PGGT1B: variants seen among roughly 807,000 people sequenced by gnomAD.
PGGT1B encodes protein geranylgeranyltransferase type I subunit beta, also known as geranylgeranyl transferase type-1 subunit beta.
Under a neutral mutation model 46.1 loss-of-function variants are expected in PGGT1B, and 30 were observed. That is an observed-to-expected ratio of 0.65 (90% CI 0.49 to 0.88). PGGT1B has a LOEUF of 0.88. Among genes scored for constraint, PGGT1B ranks in the 40% least tolerant of loss-of-function variants. The pLI is 0.00. For missense variants in PGGT1B, 376 were observed against 455.9 expected (o/e 0.82, Z 1.60); for synonymous variants, 170 against 160.0 (o/e 1.06, Z -0.47).
intron 4 of PGGT1B, 31 bp downstream of exon 4, chr5:115,237,827 T>C (rs1757228202): frequency 1.3e-6 from 2 of 1,588,048 alleles, no homozygotes; most frequent in Non-Finnish European, 1.7e-6. Context: ...TTTTGTTTAT[T>C]ACAAAAAAAG....
chr5:115,250,008 A>G (rs1748020344), intron 2 of PGGT1B, among the ~76,000 whole-genome samples: 1 of 152,126 alleles, frequency 6.6e-6, no homozygotes, highest in African/African-American at 2.4e-5. Context: ...AGGACAATGT[A>G]TCTTTTTCTT....
chr5:115,224,439 T>C (rs543770071), intron 6 of PGGT1B, among the ~76,000 whole-genome samples: 132 of 152,348 alleles, frequency 8.7e-4, no homozygotes, highest in Non-Finnish European at 1.4e-3. Flanking sequence ...AGAAGTAAGT[T>C]TGGACTCTGG....
intron 5 of PGGT1B, among the ~76,000 whole-genome samples, chr5:115,235,450 A>C (rs776593745): frequency 2.6e-5 from 4 of 152,102 alleles, no homozygotes; most frequent in Non-Finnish European, 4.4e-5. Flanking sequence ...ATCTCACCAC[A>C]AGATATTCGG....
intron 8 of PGGT1B, among the ~76,000 whole-genome samples, chr5:115,215,628 C>T (rs999359857): frequency 4.6e-5 from 7 of 152,212 alleles, no homozygotes; most frequent in African/African-American, 1.7e-4. Flanking sequence ...AAAATATAGG[C>T]AAGTAGGGGT....
In PGGT1B at chr5:115,204,434, G is replaced by C. The variant is rs1327770060; in HGVS notation, c.*7968C>G. 1 of 152,124 alleles carries C rather than the reference G, an allele frequency of 6.6e-6. No homozygotes were observed. The highest frequency in any genetic ancestry group is 1.5e-5 in the Non-Finnish European group (1 of 68,028). The allele number at this position is 152,124 out of a possible 1,614,324, so 9.4% of individuals were successfully genotyped here. On this transcript the variant is annotated 3_prime_UTR_variant, in exon 9 of 9. Transcript: ENST00000419445. ...TGCTTTAGTGGAGAGACATTATTCT[G>C]ATTTCACTCTCAAAGGCATACAGTT...
intron 5 of PGGT1B, among the ~76,000 whole-genome samples, chr5:115,233,517 T>A: frequency 8.4e-6 from 1 of 119,550 alleles, no homozygotes; most frequent in African/African-American, 3.2e-5. Context: ...GACACTAAAA[T>A]GGAATTCCTA....
rs985455167 is a variant in PGGT1B, at chr5:115,207,044, A to C, written c.*5358T>G. The C allele has an allele frequency of 2.0e-5, 3 of 151,366 alleles. No homozygotes were observed. Among genetic ancestry groups the C allele is most frequent in the Non-Finnish European group, 4.4e-5 (3 of 67,712 alleles). 9.4% of individuals were successfully genotyped at this position (151,366 alleles called of 1,614,324 possible). A position where few individuals can be genotyped will look rare whatever the true frequency, so the allele number is the denominator to read the frequency against. On this transcript the variant is annotated 3_prime_UTR_variant, in exon 9 of 9. Transcript: ENST00000419445. ...GGAATCTACATTTTTGCCTCTCAAG[A>C]GTTTTTTTAGTTTTCCTCATACAGA...
In PGGT1B at chr5:115,224,947, A is replaced by T. The variant is rs114469915; in HGVS notation, c.659-2939T>A. ...AAGTAGATTACAAAATTCTATTTAA[A>T]AACAGGCACAAGAACTAAAATGGAA... is the stretch of plus-strand genomic sequence containing the variant. On this transcript the variant is annotated intron_variant, in intron 6 of 8. Coordinates refer to ENST00000419445, the MANE Select transcript of PGGT1B (RefSeq NM_005023.4). Among the ~76,000 whole-genome samples the T allele has an allele frequency of 9.1e-3, 1,388 of 152,310 alleles. 27 individuals are homozygous for T. Among genetic ancestry groups the T allele is most frequent in the African/African-American group, 0.032 (1,326 of 41,580 alleles).
chr5:115,231,879 T>C (rs779739526), intron 5 of PGGT1B: 1 of 152,060 alleles, frequency 6.6e-6, no homozygotes, highest in Non-Finnish European at 1.5e-5. Flanking sequence ...CAAAACTCCG[T>C]TGCTGGCTCT....
At chr5:115,254,289 A>T (rs1748222104) in intron 1 of PGGT1B, among the ~76,000 whole-genome samples, 1 of 152,040 alleles carries the variant, frequency 6.6e-6, no homozygotes, top group African/African-American at 2.4e-5. Context: ...TTCAGATTTC[A>T]GATTTTTTTT....
rs1177332679 is a variant in PGGT1B at position 115,209,987 on chromosome 5, C to T, written c.*2415G>A. The T allele has an allele frequency of 6.6e-6, 1 of 152,004 alleles. No individual in the cohort carries two copies. The highest frequency in any genetic ancestry group is 2.4e-5 in the African/African-American group (1 of 41,390). The allele number at this position is 152,004 out of a possible 1,614,324, so 9.4% of individuals were successfully genotyped here. ...GTCTCTCAAAAATGATCAGGTCCAACAGTTTTCAAATTATATACCACTGTC... is the reference window on the plus strand; with the variant it reads ...GTCTCTCAAAAATGATCAGGTCCAATAGTTTTCAAATTATATACCACTGTC... On this transcript the variant is annotated 3_prime_UTR_variant, in exon 9 of 9. Coordinates refer to ENST00000419445, the MANE Select transcript of PGGT1B (RefSeq NM_005023.4).
chr5:115,243,322 T>A (rs547874502), intron 2 of PGGT1B, among the ~76,000 whole-genome samples: 85 of 152,328 alleles, frequency 5.6e-4, no homozygotes, highest in African/African-American at 1.7e-3. Flanking sequence ...TCCAGCAGGT[T>A]AAGCATATCA....
chr5:115,218,705 T>C (rs1439258127), intron 7 of PGGT1B, among the ~76,000 whole-genome samples: 4 of 151,626 alleles, frequency 2.6e-5, no homozygotes, highest in Non-Finnish European at 5.9e-5. Flanking sequence ...AATGAAAGAA[T>C]ACCACTGTTT....
intron 3 of PGGT1B, among the ~76,000 whole-genome samples, chr5:115,240,976 C>T (rs1420045737): frequency 6.6e-6 from 1 of 152,202 alleles, no homozygotes; most frequent in Non-Finnish European, 1.5e-5. Context: ...TTAGGACTCA[C>T]TGTTTTTATA....
intron 7 of PGGT1B, among the ~76,000 whole-genome samples, chr5:115,219,317 T>C (rs1756518262): frequency 6.6e-6 from 1 of 151,860 alleles, no homozygotes; most frequent in Non-Finnish European, 1.5e-5. Context: ...TCAACTGACT[T>C]TTGACAAGGG....
In PGGT1B at chr5:115,257,197, G is replaced by A. The variant is rs556469002; in HGVS notation, c.141-3942C>T. ...GTCAAATATTCCAGGCTTAAGACAC[G>A]CATACCCCAAAGATTAAATAAGAAC... On this transcript the variant is annotated intron_variant, in intron 1 of 8. Coordinates refer to ENST00000419445, the MANE Select transcript of PGGT1B (RefSeq NM_005023.4). Among the ~76,000 whole-genome samples, 78 of 151,822 alleles carry A rather than the reference G, an allele frequency of 5.1e-4. No homozygotes were observed. In the East Asian group the frequency reaches 0.011, roughly 21 times the overall value.
At chr5:115,260,980 A>C (rs1156417657) in intron 1 of PGGT1B, among the ~76,000 whole-genome samples, 1 of 152,250 alleles carries the variant, frequency 6.6e-6, no homozygotes, top group Non-Finnish European at 1.5e-5. Context: ...AGCTGCAAGC[A>C]AAGTTCAACT....
In PGGT1B at chr5:115,215,675, T is replaced by C. The variant is rs148410266; in HGVS notation, c.952+1190A>G. Among the ~76,000 whole-genome samples, 1,008 of 152,270 alleles carry C rather than the reference T, an allele frequency of 6.6e-3. 19 individuals are homozygous for C. Among genetic ancestry groups the C allele is most frequent in the Admixed American group, 0.04 (613 of 15,286 alleles). On this transcript the variant is annotated intron_variant, in intron 8 of 8. Transcript: ENST00000419445. The stretch of plus-strand genomic sequence containing the variant: ...TTCCTGCTCATTTCAAATACAAAAA[T>C]TGATTTCATGAGCTCCTTATTTATA...
Position 115,214,298 on chromosome 5 carries a change from G to GT in PGGT1B, c.953-1716dup, listed in dbSNP as rs1320237429. Among the ~76,000 whole-genome samples, 4 of 149,400 alleles carry GT rather than the reference G, an allele frequency of 2.7e-5. No individual in the cohort carries two copies. In the East Asian group the frequency reaches 8.1e-4, roughly 30 times the overall value. Reference sequence around the variant, plus strand: ...TCAATTGTTTGAAGCCTCAAATTGTGTTTTTAAAAAAACTCCTTATCTGTA... The same window carrying GT: ...TCAATTGTTTGAAGCCTCAAATTGTGTTTTTTAAAAAAACTCCTTATCTGTA... On this transcript the variant is annotated intron_variant, in intron 8 of 8. Coordinates refer to ENST00000419445, the MANE Select transcript of PGGT1B (RefSeq NM_005023.4).
Sources: gnomAD v4.1 joint callset for allele counts (sites outside exome capture counted in the v4.1 genomes callset) on GRCh38, gnomAD v4.1.1 for gene constraint, MANE v1.5 for transcripts, NCBI Gene and HGNC (gene_info 2026-07-23, HGNC 2026-07-21) for gene names.